FRMPD1: variants seen among roughly 807,000 people sequenced by gnomAD.
FRMPD1 encodes the protein FERM and PDZ domain-containing protein 1.
A neutral mutation model predicts 117.8 loss-of-function variants in FRMPD1; 76 were observed. The ratio of observed to expected loss-of-function variants is 0.65; its 90% confidence interval spans 0.54 to 0.78. FRMPD1 has a LOEUF of 0.78. FRMPD1 is among the 30% of genes least tolerant of loss of function. The pLI is 0.00. For synonymous variants in FRMPD1, 783 were observed against 770.4 expected, an observed-to-expected ratio of 1.02 and a Z score of -0.27; for missense variants, 1,786 against 1,964.5, an observed-to-expected ratio of 0.91 and a Z score of 1.72.
chr9:37,608,955 A>G, the FRMPD1 span, among the ~76,000 whole-genome samples: 1 of 152,208 alleles, frequency 6.6e-6, no homozygotes, highest in Non-Finnish European at 1.5e-5. Flanking sequence ...ATTCCTGACC[A>G]AACATCCAAC....
chr9:37,732,272 G>C (rs750969414), intron 9 of FRMPD1, 32 bp from the exon 10 acceptor site: 9 of 1,610,140 alleles, frequency 5.6e-6, no homozygotes, highest in South Asian at 5.5e-5. Context: ...GTCTGCTTTT[G>C]TTTCCCATCT....
intron 1 of FRMPD1, chr9:37,668,008 C>T (rs1018353429): frequency 3.3e-5 from 5 of 152,324 alleles, no homozygotes; most frequent in Non-Finnish European, 7.3e-5. Context: ...TTTAACTGAA[C>T]ACAACTGGGC....
chr9:37,615,314 T>C, the FRMPD1 span, among the ~76,000 whole-genome samples: 1 of 152,142 alleles, frequency 6.6e-6, no homozygotes, highest in African/African-American at 2.4e-5. Context: ...TTTAGCTGTG[T>C]TGCCTAGGCT....
At chr9:37,603,636 C>T in the FRMPD1 span, among the ~76,000 whole-genome samples, 1 of 151,776 alleles carries the variant, frequency 6.6e-6, no homozygotes, top group South Asian at 2.1e-4. Flanking sequence ...TGTTTATTGG[C>T]TAATAGGTTT....
intron 7 of FRMPD1, chr9:37,728,157 T>G (rs7040849): frequency 1.3e-5 from 2 of 151,972 alleles, no homozygotes; most frequent in African/African-American, 4.8e-5. Flanking sequence ...ACACAACAAC[T>G]CTATGAGATA....
intron 1 of FRMPD1, among the ~76,000 whole-genome samples, chr9:37,652,696 C>T (rs1820715071): frequency 6.6e-6 from 1 of 152,152 alleles, no homozygotes. Flanking sequence ...ATTCAAATGC[C>T]ACCAGTCTTT....
At chr9:37,732,147 G>C (rs1823912127) in intron 9 of FRMPD1, among the ~76,000 whole-genome samples, 157 bp from the exon 10 acceptor site, 1 of 152,178 alleles carries the variant, frequency 6.6e-6, no homozygotes, top group Non-Finnish European at 1.5e-5. Flanking sequence ...CAAATGCTTG[G>C]AGAGTCTTGG....
chr9:37,659,915 T>TAAAAAA (rs36016239), intron 1 of FRMPD1, among the ~76,000 whole-genome samples: 3 of 103,632 alleles, frequency 2.9e-5, no homozygotes, highest in Non-Finnish European at 4.0e-5. Context: ...TTTCAAGCAC[T>TAAAAAA]AAAAAAAAAA....
intron 1 of FRMPD1, among the ~76,000 whole-genome samples, chr9:37,675,215 G>A (rs1463251830): frequency 6.6e-6 from 1 of 152,054 alleles, no homozygotes; most frequent in Admixed American, 6.6e-5. Flanking sequence ...TCTAAGTCAG[G>A]AGTTTGAGAC....
At chr9:37,744,360 T>A (rs778357365) in intron 15 of FRMPD1, 29 bp from the exon 16 acceptor site, 4 of 1,502,264 alleles carry the variant, frequency 2.7e-6, no homozygotes, top group African/African-American at 2.8e-5. Flanking sequence ...TTGTGCTTTT[T>A]AATGTATTTT....
intron 1 of FRMPD1, among the ~76,000 whole-genome samples, chr9:37,680,513 G>C (rs903911075): frequency 6.6e-6 from 1 of 152,196 alleles, no homozygotes; most frequent in Non-Finnish European, 1.5e-5. Flanking sequence ...TGTTTTGCAG[G>C]TGTGGTGGTC....
chr9:37,699,834 C>T (rs1382942109), intron 2 of FRMPD1, among the ~76,000 whole-genome samples: 3 of 152,156 alleles, frequency 2.0e-5, no homozygotes, highest in Non-Finnish European at 4.4e-5. Context: ...AAGGCACATA[C>T]ATGCATACAT....
chr9:37,719,311 G>A (rs1046027753), intron 6 of FRMPD1, 135 bp downstream of exon 6: 13 of 643,730 alleles, frequency 2.0e-5, no homozygotes, highest in African/African-American at 3.6e-5. Context: ...GGCTTTGTGC[G>A]CCCTCCCAGT....
chr9:37,608,025 G>A, the FRMPD1 span, among the ~76,000 whole-genome samples: 2 of 152,182 alleles, frequency 1.3e-5, no homozygotes, highest in Non-Finnish European at 2.9e-5. Context: ...TAAACTTGTG[G>A]CCAGCGATAA....
chr9:37,648,862 G>A (rs1454990489), upstream of FRMPD1, among the ~76,000 whole-genome samples: 1 of 152,164 alleles, frequency 6.6e-6, no homozygotes, highest in African/African-American at 2.4e-5. Flanking sequence ...TGTCCAGCAG[G>A]CAGTTGTGTC....
chr9:37,745,806 A>G lies in FRMPD1; in HGVS notation c.3774A>G (p.Glu1258=), dbSNP rs35467513. 1,755 of 1,614,092 alleles carry G rather than the reference A, an allele frequency of 1.1e-3. 20 individuals carry two copies. In the African/African-American group the frequency reaches 0.021, roughly 19 times the overall value. Residue 1258 remains glutamate (E), a synonymous_variant, in exon 16 of 16, where the codon GAA becomes GAG. Coordinates refer to ENST00000377765, the MANE Select transcript of FRMPD1 (RefSeq NM_014907.3). ...VCFNPEPSLP[E]PLPCPQEDPH... is the part of the protein sequence containing the mutation. ...TTAATCCTGAGCCTTCCCTGCCAGA[A>G]CCACTACCATGTCCACAAGAGGATC...
At chr9:37,734,460 CT>C (rs941385834) in intron 12 of FRMPD1, among the ~76,000 whole-genome samples, 2 of 151,280 alleles carry the variant, frequency 1.3e-5, no homozygotes, top group African/African-American at 2.4e-5. Context: ...CTGCCTGCTT[CT>C]TTTTGGAGCC....
chr9:37,672,609 C>G (rs1185497825), intron 1 of FRMPD1, among the ~76,000 whole-genome samples: 1 of 152,138 alleles, frequency 6.6e-6, no homozygotes, highest in African/African-American at 2.4e-5. Context: ...GTAACCTGCC[C>G]ATAGTCACAG....
Position 37,724,327 on chromosome 9 carries a change from A to AT in FRMPD1, c.612+7_612+8insT. 6.9e-7 allele frequency: 1 copy of AT among 1,456,714 alleles called. No homozygotes were observed. Among genetic ancestry groups the AT allele is most frequent in the East Asian group, 2.3e-5 (1 of 44,092 alleles). The allele number at this position is 1,456,714 out of a possible 1,614,324, so 90.2% of individuals were successfully genotyped here. Reference sequence around the variant, plus strand: ...GGCAAACACAACCGTGAAGGTATTAAGAATAAACTTGAACTTCTTTTCCCA... The same window carrying AT: ...GGCAAACACAACCGTGAAGGTATTAATGAATAAACTTGAACTTCTTTTCCCA... On this transcript the variant is annotated splice_region_variant and intron_variant, in intron 7 of 15. Transcript: ENST00000377765.
Sources: allele counts gnomAD v4.1 joint callset (sites outside exome capture counted in the v4.1 genomes callset), GRCh38; gene constraint gnomAD v4.1.1; transcripts MANE v1.5; gene names NCBI Gene and HGNC (gene_info 2026-07-23, HGNC 2026-07-21).